Variants in DEAF1 observed in about 807,000 individuals in gnomAD.
DEAF1 encodes deformed epidermal autoregulatory factor 1 homolog.
In DEAF1, 53 loss-of-function variants were observed where a neutral mutation model predicts 58.9. That is an observed-to-expected ratio of 0.90 (90% CI 0.72 to 1.13). The LOEUF is 1.13. DEAF1 is among the 50% of genes most tolerant of loss of function. The pLI is 0.00. For synonymous variants in DEAF1, 385 were observed against 340.4 expected (o/e 1.13, Z -1.44); for missense variants, 685 against 791.4 (o/e 0.87, Z 1.61).
chr11:657,319 C>T (rs767380999), intron 10 of DEAF1, among the ~76,000 whole-genome samples: 1 of 152,126 alleles, frequency 6.6e-6, no homozygotes, highest in African/African-American at 2.4e-5. Flanking sequence ...GAAGTCAGGA[C>T]GTACCCCAAA....
chr11:647,415 G>A (rs559641432), intron 11 of DEAF1, among the ~76,000 whole-genome samples: 66 of 151,264 alleles, frequency 4.4e-4, no homozygotes, highest in African/African-American at 1.1e-3. Context: ...AGATCGCGCC[G>A]CTGCACTCCA....
intron 10 of DEAF1, chr11:674,151 C>T (rs1859951935): frequency 3.2e-6 from 1 of 314,232 alleles, no homozygotes; most frequent in Admixed American, 4.4e-5. Flanking sequence ...AGCATTCGCC[C>T]TGCCAGTCGC....
chr11:681,088 C>T lies in DEAF1; in HGVS notation c.872G>A (p.Ser291Asn), dbSNP rs760271119. The T allele has an allele frequency of 1.9e-6, 3 of 1,614,008 alleles. No individual in the cohort carries two copies. The highest frequency in any genetic ancestry group is 2.5e-6 in the Non-Finnish European group (3 of 1,180,034). The stretch of plus-strand genomic sequence containing the variant: ...AGGCACAAAAAGCCTGACTGGGCCA[C>T]TCTGGGGGAGAAAGGAGAGAGGCCA... Reference protein sequence around the residue: ...CAACCDDMTLSGPVRLFVPYK... With the variant: ...CAACCDDMTLNGPVRLFVPYK... Residue 291 changes from serine to asparagine, a missense_variant and splice_region_variant, in exon 7 of 12, where the codon AGT becomes AAT. Transcript: ENST00000382409.
rs148424707 is a variant in DEAF1, at chr11:704,157, C to T, written c.-438+2415G>A. 595 of 1,106,984 alleles carry T rather than the reference C, an allele frequency of 5.4e-4. 2 individuals carry two copies. The African/African-American group carries it at 9.3e-3, about 17-fold the overall frequency. 68.6% of individuals were successfully genotyped at this position (1,106,984 alleles called of 1,614,324 possible). On this transcript the variant is annotated intron_variant, in intron 1 of 11. Coordinates refer to the DEAF1 transcript ENST00000683307. ...CTCCTAATTATGGCCACCTCCCCCACCCCATCTCCAGTTCTCCTGCCCTGC... is the reference window on the plus strand; with the variant it reads ...CTCCTAATTATGGCCACCTCCCCCATCCCATCTCCAGTTCTCCTGCCCTGC...
At position 679,706 on chromosome 11, in the gene DEAF1, C is replaced by T. The variant is rs143058369; in HGVS notation, c.1108G>A (p.Val370Ile). Residue 370 changes from valine (V) to isoleucine (I), a missense_variant, in exon 8 of 12, where the codon GTC (valine) becomes ATC (isoleucine). By Grantham distance (29) the Val-to-Ile change is conservative. Transcript: ENST00000382409. ...VISESPAQGD[V>I]FAGATVQEAS... ...AGCTCACCTGTGGCCCCTGCGAAGA[C>T]GTCGCCCTGGGCCGGACTCTCTGAT... 1.5e-4 allele frequency: 237 copies of T among 1,612,820 alleles called. 1 individual carries two copies. Among genetic ancestry groups the T allele is most frequent in the Non-Finnish European group, 1.9e-4 (230 of 1,180,058 alleles).
intron 7 of DEAF1, 145 bp from the exon 8 acceptor site, chr11:679,961 CG>C: frequency 8.7e-7 from 1 of 1,143,554 alleles, no homozygotes; most frequent in Non-Finnish European, 1.2e-6. Flanking sequence ...GTGAAGGACA[CG>C]GGGGAAATCC....
At chr11:690,741 G>A (rs10794332) in intron 2 of DEAF1, among the ~76,000 whole-genome samples, 76,068 of 152,022 alleles carry the variant, frequency 0.5, 19,963 homozygotes, top group East Asian at 0.73. Context: ...GCAAGACCCC[G>A]TCTCAAAAAC....
chr11:655,621 G>A (rs922464295), intron 10 of DEAF1, among the ~76,000 whole-genome samples: 9 of 152,008 alleles, frequency 5.9e-5, no homozygotes, highest in African/African-American at 9.7e-5. Flanking sequence ...CGACTCCAGC[G>A]CGGCCCCACG....
chr11:644,363 G>C lies in DEAF1; in HGVS notation c.*187C>G, dbSNP rs939680765. On this transcript the variant is annotated 3_prime_UTR_variant, in exon 12 of 12. Transcript: ENST00000382409. The surrounding 1 kb of genome is among the most constrained non-coding windows in gnomAD (Gnocchi z 4.3). The stretch of plus-strand genomic sequence containing the variant: ...TGTCCGCGAGCGGGCAGGGGGCCCG[G>C]GCAGGGGGAGTGCGCTTCCCAGGGC... 4.2e-5 allele frequency: 27 copies of C among 645,242 alleles called. No homozygotes were observed. The Admixed American group carries it at 6.1e-4, about 15-fold the overall frequency. 40.0% of individuals were successfully genotyped at this position (645,242 alleles called of 1,614,324 possible).
At chr11:690,098 G>A (rs896162508) in intron 2 of DEAF1, among the ~76,000 whole-genome samples, 2 of 149,872 alleles carry the variant, frequency 1.3e-5, no homozygotes, top group Non-Finnish European at 3.0e-5. Flanking sequence ...AGGCCGAGAT[G>A]GTAGCTACCT....
Position 703,160 on chromosome 11 carries a change from C to G in DEAF1, c.-438+3412G>C, listed in dbSNP as rs764697658. 5 of 1,594,502 alleles carry G rather than the reference C, an allele frequency of 3.1e-6. No homozygotes were observed. In the African/African-American group the frequency reaches 6.7e-5, roughly 21 times the overall value. On this transcript the variant is annotated intron_variant, in intron 1 of 11. Coordinates refer to the DEAF1 transcript ENST00000683307. ...GGCCTTCACCAGGTAGCTACGGACA[C>G]CCGGGATACCCCACACTGGGGCCCT...
intron 1 of DEAF1, chr11:700,493 C>T (rs1268166062): frequency 2.3e-6 from 2 of 858,852 alleles, no homozygotes; most frequent in South Asian, 2.8e-5. Flanking sequence ...CGCCACTGAA[C>T]TCCATCCTGG....
At chr11:695,253 G>C (rs1165962135), upstream of DEAF1, 1 of 485,488 alleles carries the variant, frequency 2.1e-6, no homozygotes, top group African/African-American at 2.0e-5. Context: ...GCGAACAGAG[G>C]CTGCCCGAGT....
intron 6 of DEAF1, among the ~76,000 whole-genome samples, chr11:683,799 T>C (rs549029804): frequency 2.0e-5 from 3 of 152,270 alleles, no homozygotes; most frequent in Admixed American, 6.5e-5. Context: ...GTCTCTCTCT[T>C]CAGCATTTTC....
At chr11:646,674 A>G (rs573466383) in intron 11 of DEAF1, 2 of 152,314 alleles carry the variant, frequency 1.3e-5, no homozygotes, top group Non-Finnish European at 1.5e-5. Flanking sequence ...AATCAGAACT[A>G]CTCAGTTCTT....
intron 10 of DEAF1, among the ~76,000 whole-genome samples, chr11:670,777 G>C (rs71454003): frequency 0.067 from 1,254 of 18,652 alleles, 8 homozygotes; most frequent in East Asian, 0.2. Flanking sequence ...TTTTGTTTTT[G>C]TTTTTTTTTT....
At chr11:681,185 G>T (rs930274523) in intron 6 of DEAF1, 96 bp from the exon 7 acceptor site, 3 of 1,543,544 alleles carry the variant, frequency 1.9e-6, no homozygotes, top group Non-Finnish European at 2.7e-6. Context: ...CGGGGTGTGT[G>T]AGTCACATGG....
At chr11:694,128 G>C (rs1860971714) in intron 1 of DEAF1, among the ~76,000 whole-genome samples, 1 of 152,174 alleles carries the variant, frequency 6.6e-6, no homozygotes, top group Non-Finnish European at 1.5e-5. Context: ...GCTTCTCCAG[G>C]ACAGGTGGGG....
At chr11:701,355 ATTTTG>A (rs1013633727) in intron 1 of DEAF1, among the ~76,000 whole-genome samples, 3 of 137,390 alleles carry the variant, frequency 2.2e-5, no homozygotes, top group Non-Finnish European at 4.8e-5. Flanking sequence ...CGCCCAGCTA[ATTTTG>A]TTTTGTTTTG....
Sources: allele counts gnomAD v4.1 joint callset (sites outside exome capture counted in the v4.1 genomes callset), GRCh38; gene constraint gnomAD v4.1.1; non-coding constraint Gnocchi (gnomAD v3.1); transcripts MANE v1.5; gene names NCBI Gene and HGNC (gene_info 2026-07-23, HGNC 2026-07-21).